The following CTNNA2 variants were observed in gnomAD, a reference collection of about 807,000 sequenced individuals.
The protein encoded by CTNNA2 is catenin alpha-2.
Under a neutral mutation model 101.0 loss-of-function variants are expected in CTNNA2, and 42 were observed. The ratio of observed to expected loss-of-function variants is 0.42; its 90% confidence interval spans 0.32 to 0.54. The LOEUF (loss-of-function observed/expected upper bound fraction) is 0.54, where lower values mean the gene tolerates loss of function less well. Ranked by LOEUF, CTNNA2 falls within the 20% of genes least tolerant of loss-of-function variation. The pLI is 0.14. For missense variants in CTNNA2, 871 were observed against 1,223.1 expected, an observed-to-expected ratio of 0.71 and a Z score of 4.29; for synonymous variants, 450 against 456.4, an observed-to-expected ratio of 0.99 and a Z score of 0.18.
chr2:80,252,126 C>T lies in CTNNA2; in HGVS notation c.1057-141085C>T, dbSNP rs556518803. Among the ~76,000 whole-genome samples, 75 of 152,164 alleles carry T rather than the reference C, an allele frequency of 4.9e-4. 1 individual carries two copies. In the South Asian group the frequency reaches 0.013, roughly 27 times the overall value. ...ACTTAAAACATCCTATTAGATATTA[C>T]GGTAAGTTATTTACATCTCTCTGTG... On this transcript the variant is annotated intron_variant, in intron 7 of 18. Transcript: ENST00000402739.
At chr2:79,831,787 C>T (rs1678946728) in intron 3 of CTNNA2, among the ~76,000 whole-genome samples, 3 of 144,716 alleles carry the variant, frequency 2.1e-5, no homozygotes, top group South Asian at 2.3e-4. Context: ...AATCTTCTAC[C>T]CTTCAATTAA....
At chr2:79,240,741 G>A (rs1674616113) in intron 2 of CTNNA2, among the ~76,000 whole-genome samples, 3 of 152,306 alleles carry the variant, frequency 2.0e-5, no homozygotes, top group African/African-American at 7.2e-5. Context: ...AGTTAATGGA[G>A]TGAGGTTTAG....
At chr2:79,795,304 GT>G (rs1675610207) in intron 3 of CTNNA2, among the ~76,000 whole-genome samples, 1 of 152,038 alleles carries the variant, frequency 6.6e-6, no homozygotes, top group Non-Finnish European at 1.5e-5. Context: ...CGTAATTTGT[GT>G]TGTGTTGAGA....
chr2:79,480,301 G>C (rs1001553425), intron 4 of CTNNA2, among the ~76,000 whole-genome samples: 8 of 152,056 alleles, frequency 5.3e-5, no homozygotes, highest in Non-Finnish European at 4.4e-5. Context: ...CCAACATTGG[G>C]TATTACTTTT....
chr2:79,238,476 C>G (rs948690828), intron 2 of CTNNA2, among the ~76,000 whole-genome samples: 1 of 152,032 alleles, frequency 6.6e-6, no homozygotes, highest in East Asian at 1.9e-4. Flanking sequence ...AAGAAATGAG[C>G]GCATGCTCTT....
chr2:80,641,422 G>A lies in CTNNA2; in HGVS notation c.2575-6163G>A, dbSNP rs149420702. On this transcript the variant is annotated intron_variant, in intron 18 of 18. Coordinates refer to ENST00000402739, the MANE Select transcript of CTNNA2 (RefSeq NM_001282597.3). ...TGTGAAAATTGATCTCTCTCTCCAT[G>A]CATATTGTAAATATATGAATTCAGA... 4.1e-3 allele frequency among the ~76,000 whole-genome samples: 630 copies of A among 152,136 alleles called. 1 individual carries two copies. The highest frequency in any genetic ancestry group is 0.034 in the Middle Eastern group (10 of 294).
rs551192513 is a variant in CTNNA2 at position 80,006,955 on chromosome 2, A to T, written c.1056+97158A>T. 5.9e-5 allele frequency among the ~76,000 whole-genome samples: 9 copies of T among 152,298 alleles called. No individual in the cohort carries two copies. The South Asian group carries it at 1.9e-3, about 32-fold the overall frequency. ...TACCGTTCTTGAGTCCTATTTCATC[A>T]GCATCATACTGAATTTTTGACAATG... is the stretch of plus-strand genomic sequence containing the variant. On this transcript the variant is annotated intron_variant, in intron 7 of 18. Coordinates refer to ENST00000402739, the MANE Select transcript of CTNNA2 (RefSeq NM_001282597.3).
At chr2:80,404,293 C>A (rs1338890003) in intron 8 of CTNNA2, among the ~76,000 whole-genome samples, 2 of 151,532 alleles carry the variant, frequency 1.3e-5, no homozygotes, top group Admixed American at 6.6e-5. Context: ...CTCCTTTGTT[C>A]TTTTTTAGTC....
rs187225650 is a variant in CTNNA2, at chr2:80,409,323, T to C, written c.1138-10126T>C. 3.9e-4 allele frequency among the ~76,000 whole-genome samples: 59 copies of C among 152,098 alleles called. 1 individual carries two copies. Among genetic ancestry groups the C allele is most frequent in the African/African-American group, 1.2e-3 (50 of 41,500 alleles). On this transcript the variant is annotated intron_variant, in intron 8 of 18. Coordinates refer to ENST00000402739, the MANE Select transcript of CTNNA2 (RefSeq NM_001282597.3). ...TAAAAAAAAAAAGTGCAATATGATG[T>C]GAAAGAAATGTAGAAACATTAGACT...
intron 2 of CTNNA2, among the ~76,000 whole-genome samples, chr2:79,288,044 G>A (rs970033792): frequency 6.6e-6 from 1 of 152,320 alleles, no homozygotes; most frequent in Admixed American, 6.5e-5. Flanking sequence ...CTTTGACTAG[G>A]AAAGGGAACT....
chr2:79,589,605 T>A (rs1394617241), intron 1 of CTNNA2, among the ~76,000 whole-genome samples: 2 of 152,070 alleles, frequency 1.3e-5, no homozygotes, highest in Admixed American at 1.3e-4. Flanking sequence ...CTTAATATGA[T>A]AAAGAAGAAA....
intron 16 of CTNNA2, chr2:80,605,696 T>TC (rs1697942099): frequency 6.6e-6 from 1 of 151,928 alleles, no homozygotes; most frequent in Non-Finnish European, 1.5e-5. Flanking sequence ...ACAAAACCCC[T>TC]CATGATTTTA....
chr2:79,384,368 C>A, intron 4 of CTNNA2, among the ~76,000 whole-genome samples: 1 of 129,412 alleles, frequency 7.7e-6, no homozygotes, highest in African/African-American at 2.9e-5. Context: ...AATTTGAATG[C>A]ATATTTCTTC....
chr2:80,425,664 T>G (rs976147872), intron 9 of CTNNA2, among the ~76,000 whole-genome samples: 2 of 152,208 alleles, frequency 1.3e-5, no homozygotes, highest in Admixed American at 1.3e-4. Flanking sequence ...AACATTTTTC[T>G]TGAGTTTAAT....
chr2:80,157,703 C>T (rs1704068391), intron 7 of CTNNA2, among the ~76,000 whole-genome samples: 1 of 151,990 alleles, frequency 6.6e-6, no homozygotes, highest in Admixed American at 6.6e-5. Context: ...ATGTTTAATG[C>T]AACCACAGAG....
At chr2:79,720,247 T>A (rs1686391530) in intron 2 of CTNNA2, among the ~76,000 whole-genome samples, 1 of 152,202 alleles carries the variant, frequency 6.6e-6, no homozygotes, top group East Asian at 1.9e-4. Flanking sequence ...GTTCCATTGG[T>A]CAATGTGTCT....
chr2:80,224,695 C>T (rs915926103), intron 7 of CTNNA2, among the ~76,000 whole-genome samples: 3 of 152,070 alleles, frequency 2.0e-5, no homozygotes, highest in Non-Finnish European at 2.9e-5. Context: ...CTGCTCACCT[C>T]GGCCTCCCAA....
At chr2:80,145,059 C>T (rs1180851950) in intron 7 of CTNNA2, among the ~76,000 whole-genome samples, 1 of 152,174 alleles carries the variant, frequency 6.6e-6, no homozygotes, top group Non-Finnish European at 1.5e-5. Context: ...CTCTGTCAAT[C>T]ACGGTTCTAG....
At chr2:79,676,610 A>C (rs991356418) in intron 2 of CTNNA2, among the ~76,000 whole-genome samples, 15 of 152,136 alleles carry the variant, frequency 9.9e-5, no homozygotes, top group Non-Finnish European at 1.9e-4. Context: ...TACTCTGTCC[A>C]GATGCCCCCT....
Sources: allele counts gnomAD v4.1 joint callset (sites outside exome capture counted in the v4.1 genomes callset), GRCh38; gene constraint gnomAD v4.1.1; transcripts MANE v1.5; gene names NCBI Gene and HGNC (gene_info 2026-07-23, HGNC 2026-07-21).